Variants in CEP20 observed in about 807,000 individuals in gnomAD.
The protein encoded by CEP20 is FGFR1OP N-terminal like.
Under a neutral mutation model 20.0 loss-of-function variants are expected in CEP20, and 18 were observed. The observed-to-expected ratio is 0.90, with a 90% CI of 0.62 to 1.34. The LOEUF (loss-of-function observed/expected upper bound fraction) is 1.34, where lower values mean the gene tolerates loss of function less well. Ranked by LOEUF, CEP20 falls within the 40% of genes most tolerant of loss-of-function variation. The pLI, the probability that CEP20 is intolerant of heterozygous loss-of-function variation, is 0.00. For synonymous variants in CEP20, 77 were observed against 73.7 expected, an observed-to-expected ratio of 1.04 and a Z score of -0.23; for missense variants, 215 against 201.6, an observed-to-expected ratio of 1.07 and a Z score of -0.40.
chr16:15,872,829 T>C (rs1435621676), intron 4 of CEP20, among the ~76,000 whole-genome samples: 2 of 151,714 alleles, frequency 1.3e-5, no homozygotes, highest in Admixed American at 1.3e-4. Context: ...AAACAGGCAA[T>C]CTGAAAGAAA....
chr16:15,886,308 T>C (rs1006071209), intron 1 of CEP20: 5 of 152,188 alleles, frequency 3.3e-5, no homozygotes, highest in Non-Finnish European at 5.9e-5. Flanking sequence ...GACCTTTCTT[T>C]CCCCTCATTT....
At chr16:15,886,436 T>C (rs570796983) in intron 1 of CEP20, among the ~76,000 whole-genome samples, 1 of 152,228 alleles carries the variant, frequency 6.6e-6, no homozygotes, top group Admixed American at 6.5e-5. Context: ...GAATCATAAC[T>C]GAACCCCTAT....
chr16:15,882,769 A>G (rs2045133130), intron 2 of CEP20, among the ~76,000 whole-genome samples: 1 of 93,584 alleles, frequency 1.1e-5, no homozygotes, highest in Admixed American at 1.3e-4. Context: ...CTATCTATCT[A>G]TCTATCTATC....
chr16:15,881,108 C>T (rs1284430849), intron 2 of CEP20, among the ~76,000 whole-genome samples: 1 of 152,066 alleles, frequency 6.6e-6, no homozygotes, highest in Non-Finnish European at 1.5e-5. Context: ...TCCATGAAAC[C>T]AGTCCCTGGT....
At chr16:15,884,232 C>T in intron 1 of CEP20, 27 bp from the exon 2 acceptor site, 1 of 1,569,404 alleles carries the variant, frequency 6.4e-7, no homozygotes, top group African/African-American at 1.4e-5. Flanking sequence ...ATTAAGGCTT[C>T]AGTTACAGAG....
intron 4 of CEP20, among the ~76,000 whole-genome samples, chr16:15,867,989 A>AG (rs2044724797): frequency 1.3e-5 from 2 of 151,580 alleles, no homozygotes; most frequent in Non-Finnish European, 2.9e-5. Flanking sequence ...AAAAAAAAAA[A>AG]AAAAGAAAGA....
rs1382167498 is a variant in CEP20, at chr16:15,873,618, T to C, written c.321A>G (p.Leu107=). 2.5e-6 allele frequency: 4 copies of C among 1,613,428 alleles called. No individual in the cohort carries two copies. Among genetic ancestry groups the C allele is most frequent in the Admixed American group, 1.7e-5 (1 of 59,924 alleles). ...EESKDNTIPL[L]YGILAHFLRG... ...GCAAGAAATGGGCTAAAATCCCATA[T>C]AAAAGAGGTCTATAGCAGGAAGAAA... Residue 107 remains leucine, a synonymous_variant, in exon 4 of 5, where the codon TTA becomes TTG. Transcript: ENST00000255759.
intron 3 of CEP20, among the ~76,000 whole-genome samples, chr16:15,877,570 C>G (rs2044985073): frequency 6.6e-6 from 1 of 152,154 alleles, no homozygotes; most frequent in African/African-American, 2.4e-5. Flanking sequence ...AATTGGAGAC[C>G]AGCCTGGCTA....
chr16:15,883,861 G>A (rs913544239), intron 2 of CEP20, 147 bp downstream of exon 2: 5 of 600,384 alleles, frequency 8.3e-6, no homozygotes, highest in African/African-American at 7.4e-5. Context: ...ATCTGTTTAA[G>A]CTACAGAAAG....
At chr16:15,874,426 A>G (rs992430670) in intron 3 of CEP20, among the ~76,000 whole-genome samples, 6 of 152,184 alleles carry the variant, frequency 3.9e-5, no homozygotes, top group Non-Finnish European at 8.8e-5. Context: ...GAGATTTGCT[A>G]GAGATTCCCC....
chr16:15,882,465 C>T (rs893755096), intron 2 of CEP20, among the ~76,000 whole-genome samples: 5 of 151,252 alleles, frequency 3.3e-5, no homozygotes, highest in Admixed American at 2.0e-4. Flanking sequence ...AGGAGGTAGA[C>T]GTTGCAGTGA....
At chr16:15,871,416 G>A (rs2044815318) in intron 4 of CEP20, among the ~76,000 whole-genome samples, 1 of 152,046 alleles carries the variant, frequency 6.6e-6, no homozygotes, top group Admixed American at 6.6e-5. Flanking sequence ...GAAAGTTAAA[G>A]GGAACTTTTT....
chr16:15,875,133 C>G (rs981056217), intron 3 of CEP20, among the ~76,000 whole-genome samples: 6 of 152,116 alleles, frequency 3.9e-5, no homozygotes, highest in African/African-American at 1.4e-4. Flanking sequence ...TTCTAAGCTA[C>G]CAAATTCTGG....
intron 4 of CEP20, among the ~76,000 whole-genome samples, chr16:15,869,310 CTTTTT>C (rs11351295): frequency 2.5e-5 from 3 of 118,186 alleles, no homozygotes; most frequent in African/African-American, 3.5e-5. Context: ...TCTTTCTTTC[CTTTTT>C]TTTTTTTTTT....
chr16:15,880,448 T>C (rs2045071371), intron 2 of CEP20, among the ~76,000 whole-genome samples: 1 of 152,208 alleles, frequency 6.6e-6, no homozygotes, highest in Non-Finnish European at 1.5e-5. Flanking sequence ...TGTATGTAAA[T>C]GTTTATGGCA....
At position 15,882,774 on chromosome 16, in the gene CEP20, T is replaced by TACACACACACACA. The variant is rs879853404; in HGVS notation, c.226+1233_226+1234insTGTGTGTGTGTGT. 4.1e-4 allele frequency among the ~76,000 whole-genome samples: 28 copies of TACACACACACACA among 68,600 alleles called. No individual in the cohort carries two copies. In the East Asian group the frequency reaches 5.4e-3, roughly 13 times the overall value. 45.0% of individuals were successfully genotyped at this position (68,600 alleles called of 152,430 possible). On this transcript the variant is annotated intron_variant, in intron 2 of 4. Coordinates refer to ENST00000255759, the MANE Select transcript of CEP20 (RefSeq NM_144600.4). The stretch of plus-strand genomic sequence containing the variant: ...ATCTATCTATCTATCTATCTATCTA[T>TACACACACACACA]CTATCTAGATACACACACACACACA...
intron 4 of CEP20, among the ~76,000 whole-genome samples, chr16:15,870,117 T>G (rs1242634023): frequency 6.6e-6 from 1 of 152,214 alleles, no homozygotes; most frequent in East Asian, 1.9e-4. Flanking sequence ...ATGCGTAATC[T>G]ACCGCTTTCA....
chr16:15,886,577 T>C (rs1236028158), intron 1 of CEP20, among the ~76,000 whole-genome samples: 1 of 152,202 alleles, frequency 6.6e-6, no homozygotes, highest in African/African-American at 2.4e-5. Context: ...GACAGTGGAA[T>C]GAGGAAAGCT....
chr16:15,879,012 CT>C lies in CEP20; in HGVS notation c.311+791del, dbSNP rs201473289. On this transcript the variant is annotated intron_variant, in intron 3 of 4. Transcript: ENST00000255759. The stretch of plus-strand genomic sequence containing the variant: ...GCTATGTTCTCAGGTCTCCTATGTA[CT>C]TTTTTTTTTTTTTTTGGCTATACAG... Among the ~76,000 whole-genome samples, 692 of 135,298 alleles carry C rather than the reference CT, an allele frequency of 5.1e-3. 1 individual carries two copies. The highest frequency in any genetic ancestry group is 6.4e-3 in the East Asian group (30 of 4,664). The allele number at this position is 135,298 out of a possible 152,430, so 88.8% of individuals were successfully genotyped here. A position where few individuals can be genotyped will look rare whatever the true frequency, so the allele number is the denominator to read the frequency against.
Sources: allele counts gnomAD v4.1 joint callset (sites outside exome capture counted in the v4.1 genomes callset), GRCh38; gene constraint gnomAD v4.1.1; transcripts MANE v1.5; gene names NCBI Gene and HGNC (gene_info 2026-07-23, HGNC 2026-07-21).